PPWD1: variants seen among roughly 807,000 people sequenced by gnomAD.
PPWD1 encodes the protein peptidylprolyl isomerase domain and WD repeat-containing protein 1.
In PPWD1, 43 loss-of-function variants were observed where a neutral mutation model predicts 68.8. That is an observed-to-expected ratio of 0.62 (90% CI 0.49 to 0.81). The LOEUF (loss-of-function observed/expected upper bound fraction) is 0.81. PPWD1 is among the 30% of genes least tolerant of loss of function. PPWD1 has a pLI of 0.00. For missense variants in PPWD1, 672 were observed against 804.8 expected (o/e 0.83, Z 2.00); for synonymous variants, 232 against 258.7 (o/e 0.90, Z 0.99).
chr5:65,567,396 T>C, intron 1 of PPWD1, 117 bp from the exon 2 acceptor site: 1 of 1,350,174 alleles, frequency 7.4e-7, no homozygotes, highest in African/African-American at 1.5e-5. Context: ...TGAGAAAAAC[T>C]AAAATCCAGG....
chr5:65,578,723 C>CAT (rs1195233601), intron 6 of PPWD1, among the ~76,000 whole-genome samples: 35 of 110,908 alleles, frequency 3.2e-4, no homozygotes, highest in Non-Finnish European at 4.8e-4. Flanking sequence ...TATGTATATA[C>CAT]ATATATATAT....
In PPWD1 at chr5:65,572,146, G is replaced by T. The variant is rs138491031; in HGVS notation, c.829G>T (p.Ala277Ser). The T allele has an allele frequency of 1.2e-6, 2 of 1,613,914 alleles. No individual in the cohort carries two copies. Among genetic ancestry groups the T allele is most frequent in the African/African-American group, 2.7e-5 (2 of 74,914 alleles). ...YKTDTDLYEF[A>S]KCKAYPTSVC... ...AACTGACACTGATTTATATGAATTT[G>T]CCAAGTGTAAGGCTTATCCAACCAG... The change falls in exon 5 of 11, where the codon GCC (alanine) becomes TCC (serine). Residue 277 changes from alanine (A) to serine (S), a missense_variant. Around this residue, in one of 2 missense-constraint regions of PPWD1, gnomAD observed 484 missense variants for 646.2 expected, o/e 0.75. Coordinates refer to ENST00000261308, the MANE Select transcript of PPWD1 (RefSeq NM_015342.4).
intron 4 of PPWD1, 169 bp from the exon 5 acceptor site, chr5:65,571,670 G>A (rs954154124): frequency 3.9e-6 from 3 of 760,634 alleles, no homozygotes; most frequent in Non-Finnish European, 4.8e-6. Flanking sequence ...GAAAAAATAA[G>A]TAACTATTCT....
At chr5:65,564,292 C>G (rs370540220) in intron 1 of PPWD1, among the ~76,000 whole-genome samples, 16 of 148,222 alleles carry the variant, frequency 1.1e-4, no homozygotes, top group Admixed American at 2.0e-4. Context: ...TAAAAAACTT[C>G]AATGATTTGT....
chr5:65,574,618 T>C (rs185013), intron 5 of PPWD1, among the ~76,000 whole-genome samples: 93,068 of 150,458 alleles, frequency 0.62, 29,064 homozygotes, highest in South Asian at 0.65. Context: ...CGCCCGCCAC[T>C]GCGCCCGGCT....
intron 5 of PPWD1, among the ~76,000 whole-genome samples, chr5:65,575,877 A>G (rs1486856082): frequency 6.6e-6 from 1 of 152,218 alleles, no homozygotes; most frequent in Admixed American, 6.5e-5. Flanking sequence ...TGAATTTGTT[A>G]TAAATTAGTG....
intron 1 of PPWD1, chr5:65,563,974 C>G: frequency 1.3e-6 from 1 of 796,840 alleles, no homozygotes. Flanking sequence ...AACTCTGACA[C>G]TTCCACTAAT....
At position 65,568,694 on chromosome 5, in the gene PPWD1, A is replaced by G. The variant is rs9885586; in HGVS notation, c.300-938A>G. 3.4e-3 allele frequency among the ~76,000 whole-genome samples: 511 copies of G among 152,144 alleles called. 4 individuals carry two copies. The highest frequency in any genetic ancestry group is 0.012 in the African/African-American group (491 of 41,548). On this transcript the variant is annotated intron_variant, in intron 2 of 10. Transcript: ENST00000261308. The stretch of plus-strand genomic sequence containing the variant: ...ATGGGAAGTAGGTGGATTACTTTAC[A>G]CTTTTTTAGATCAGTCTATTCTTGA...
chr5:65,570,416 A>C, intron 4 of PPWD1: 3 of 716,268 alleles, frequency 4.2e-6, no homozygotes, highest in Non-Finnish European at 5.1e-6. Flanking sequence ...GAATATATTG[A>C]TACTAAAACT....
intron 8 of PPWD1, 68 bp downstream of exon 8, chr5:65,583,287 C>T: frequency 4.6e-6 from 6 of 1,313,882 alleles, no homozygotes; most frequent in Non-Finnish European, 5.0e-6. Flanking sequence ...CTGAAGAAAC[C>T]ATGCAACTTA....
Position 65,569,624 on chromosome 5 carries a change from A to G in PPWD1, c.300-8A>G. ...TAGAAATTAACTTTTAACATTTCAT[A>G]TATGCAGAACAGATTTTATTATTAC... On this transcript the variant is annotated splice_polypyrimidine_tract_variant and splice_region_variant and intron_variant, in intron 2 of 10. Transcript: ENST00000261308. 2.6e-6 allele frequency: 4 copies of G among 1,560,244 alleles called. No individual in the cohort carries two copies. Among genetic ancestry groups the G allele is most frequent in the Non-Finnish European group, 3.5e-6 (4 of 1,139,612 alleles).
intron 4 of PPWD1, among the ~76,000 whole-genome samples, chr5:65,571,413 T>C (rs551908175): frequency 5.3e-5 from 8 of 152,174 alleles, no homozygotes; most frequent in Non-Finnish European, 7.4e-5. Context: ...TAATAAAATA[T>C]TTGATTTAAA....
chr5:65,585,133 G>T (rs1561733906), intron 9 of PPWD1, 38 bp downstream of exon 9: 3 of 1,540,184 alleles, frequency 1.9e-6, no homozygotes, highest in Non-Finnish European at 2.7e-6. Flanking sequence ...AAGAAATACT[G>T]TATTATTACA....
At chr5:65,567,903 T>C (rs957452769) in intron 2 of PPWD1, 45 of 283,394 alleles carry the variant, frequency 1.6e-4, no homozygotes, top group African/African-American at 8.4e-4. Flanking sequence ...AGTTAAGATA[T>C]GAGTAACTGG....
intron 6 of PPWD1, 99 bp from the exon 7 acceptor site, chr5:65,579,325 A>G: frequency 7.4e-7 from 1 of 1,355,604 alleles, no homozygotes; most frequent in Non-Finnish European, 9.6e-7. Flanking sequence ...TATTTTGTAC[A>G]TAGATAAGAT....
At chr5:65,570,424 A>C in intron 4 of PPWD1, 1 of 681,192 alleles carries the variant, frequency 1.5e-6, no homozygotes, top group Non-Finnish European at 1.8e-6. Flanking sequence ...TGATACTAAA[A>C]CTATGGTTAG....
chr5:65,578,685 T>C (rs1230266572), intron 6 of PPWD1, among the ~76,000 whole-genome samples: 1 of 149,188 alleles, frequency 6.7e-6, no homozygotes, highest in Admixed American at 6.7e-5. Context: ...TGTGTTCTTA[T>C]TGTTGTGTTT....
intron 7 of PPWD1, 190 bp from the exon 8 acceptor site, chr5:65,582,848 T>G: frequency 1.5e-6 from 1 of 683,484 alleles, no homozygotes; most frequent in Non-Finnish European, 2.1e-6. Context: ...GTGGATCCTT[T>G]TCATATTAGA....
chr5:65,570,022 T>C lies in PPWD1; in HGVS notation c.521+24T>C, dbSNP rs542392824. ...GGGTGAGTCTTTTTAAAAGTATATA[T>C]ATTTTAACTTATTGAAGTAATTTGT... On this transcript the variant is annotated intron_variant, in intron 4 of 10. Coordinates refer to ENST00000261308, the MANE Select transcript of PPWD1 (RefSeq NM_015342.4). 664 of 1,570,898 alleles carry C rather than the reference T, an allele frequency of 4.2e-4. 12 individuals are homozygous for C. The South Asian group carries it at 6.3e-3, about 15-fold the overall frequency.
Sources: allele counts gnomAD v4.1 joint callset (sites outside exome capture counted in the v4.1 genomes callset), GRCh38; gene constraint gnomAD v4.1.1; regional missense constraint gnomAD v4.1.1; transcripts MANE v1.5; gene names NCBI Gene and HGNC (gene_info 2026-07-23, HGNC 2026-07-21).